The following NAV3 variants were observed in gnomAD, a reference collection of about 807,000 sequenced individuals.
NAV3 encodes pore membrane and/or filament interacting like protein 1.
In NAV3, 87 loss-of-function variants were observed where a neutral mutation model predicts 244.7. That is an observed-to-expected ratio of 0.36 (90% CI 0.30 to 0.42). NAV3 has a LOEUF of 0.42. NAV3 is among the 20% of genes least tolerant of loss of function. The pLI is 1.00. For missense variants in NAV3, 2,663 were observed against 2,893.3 expected, an observed-to-expected ratio of 0.92 and a Z score of 1.83; for synonymous variants, 1,126 against 1,042.2, an observed-to-expected ratio of 1.08 and a Z score of -1.55.
chr12:77,700,682 T>C lies in NAV3; in HGVS notation c.72+128416T>C, dbSNP rs150922555. 5.5e-3 allele frequency among the ~76,000 whole-genome samples: 834 copies of C among 152,208 alleles called. 2 individuals are homozygous for C. The highest frequency in any genetic ancestry group is 0.01 in the African/African-American group (418 of 41,574). On this transcript the variant is annotated intron_variant, in intron 2 of 8. Transcript: ENST00000550042. ...TACTATTGAGTATGATTTGTACCTATAGGTTTTTAATGAATGTTCTTTCTC... is the reference window on the plus strand; with the variant it reads ...TACTATTGAGTATGATTTGTACCTACAGGTTTTTAATGAATGTTCTTTCTC...
chr12:78,145,246 T>A (rs1260335523), intron 20 of NAV3: 1 of 157,728 alleles, frequency 6.3e-6, no homozygotes. Flanking sequence ...GCCACTTTAT[T>A]ATTTAGCCAC....
chr12:78,016,321 T>C (rs1221930635), intron 8 of NAV3, among the ~76,000 whole-genome samples: 1 of 152,182 alleles, frequency 6.6e-6, no homozygotes, highest in Non-Finnish European at 1.5e-5. Flanking sequence ...CTTATTATAA[T>C]TCAATGTGAT....
At chr12:78,084,473 A>G (rs144937422) in intron 12 of NAV3, among the ~76,000 whole-genome samples, 141 of 152,110 alleles carry the variant, frequency 9.3e-4, no homozygotes, top group African/African-American at 3.2e-3. Flanking sequence ...TCTTTACTAT[A>G]TCATTCCCAT....
chr12:77,612,477 T>C (rs759113922), intron 2 of NAV3, among the ~76,000 whole-genome samples: 2 of 152,100 alleles, frequency 1.3e-5, no homozygotes, highest in African/African-American at 4.8e-5. Flanking sequence ...AGTGTTTCCT[T>C]ACACACCCTG....
chr12:78,102,801 A>G (rs771173430), intron 12 of NAV3, among the ~76,000 whole-genome samples: 1 of 152,224 alleles, frequency 6.6e-6, no homozygotes, highest in African/African-American at 2.4e-5. Context: ...CTCTGAAACC[A>G]CAGGCTGAGC....
chr12:77,772,803 G>A (rs565110149), intron 2 of NAV3, among the ~76,000 whole-genome samples: 42 of 152,284 alleles, frequency 2.8e-4, no homozygotes, highest in Middle Eastern at 3.4e-3. Flanking sequence ...TGGCCAAAAT[G>A]TGCTTTTGGG....
intron 2 of NAV3, among the ~76,000 whole-genome samples, chr12:77,623,880 A>G (rs1228308559): frequency 5.3e-5 from 8 of 152,242 alleles, no homozygotes. Context: ...TAAGATTACA[A>G]AGAGCTAGAT....
intron 2 of NAV3, among the ~76,000 whole-genome samples, chr12:77,735,981 T>A (rs767588411): frequency 2.6e-5 from 4 of 152,246 alleles, no homozygotes; most frequent in Non-Finnish European, 5.9e-5. Flanking sequence ...AAACAGGTTC[T>A]AAACTGCATT....
chr12:78,157,456 G>T, intron 22 of NAV3, among the ~76,000 whole-genome samples: 1 of 151,954 alleles, frequency 6.6e-6, no homozygotes, highest in East Asian at 1.9e-4. Context: ...TGCTACTTGG[G>T]AGGCTGAGGC....
At chr12:77,620,564 T>G (rs1021556490) in intron 2 of NAV3, among the ~76,000 whole-genome samples, 6 of 152,042 alleles carry the variant, frequency 3.9e-5, no homozygotes, top group Admixed American at 3.3e-4. Context: ...CTTATTCAAG[T>G]GATTCTCTTG....
At chr12:77,581,877 T>C (rs1477138205) in intron 2 of NAV3, among the ~76,000 whole-genome samples, 1 of 152,214 alleles carries the variant, frequency 6.6e-6, no homozygotes, top group Non-Finnish European at 1.5e-5. Context: ...ACTACCATGT[T>C]AACTGCATTA....
intron 1 of NAV3, among the ~76,000 whole-genome samples, chr12:77,899,727 C>A (rs1304955946): frequency 1.3e-5 from 2 of 152,120 alleles, no homozygotes; most frequent in African/African-American, 2.4e-5. Flanking sequence ...TAAAATGAGG[C>A]ATATTTTACA....
chr12:78,083,328 T>C (rs1953458143), intron 12 of NAV3, among the ~76,000 whole-genome samples: 1 of 152,184 alleles, frequency 6.6e-6, no homozygotes, highest in Non-Finnish European at 1.5e-5. Flanking sequence ...AAGGTCTCAC[T>C]TGTCAATACA....
chr12:77,599,875 G>C (rs1468902564), intron 2 of NAV3, among the ~76,000 whole-genome samples: 1 of 151,850 alleles, frequency 6.6e-6, no homozygotes, highest in Non-Finnish European at 1.5e-5. Flanking sequence ...CAAATACTAA[G>C]AAATATTGTA....
intron 2 of NAV3, among the ~76,000 whole-genome samples, chr12:77,666,667 GCTT>G (rs1873731185): frequency 6.6e-6 from 1 of 152,102 alleles, no homozygotes. Context: ...GATGTATTGT[GCTT>G]CTTTGAGATT....
chr12:77,617,285 T>G (rs1287080961), intron 2 of NAV3, among the ~76,000 whole-genome samples: 1 of 152,208 alleles, frequency 6.6e-6, no homozygotes, highest in East Asian at 1.9e-4. Flanking sequence ...GTTCTTGCCT[T>G]TGACATGCCT....
At chr12:78,164,767 G>A (rs1023059375) in intron 23 of NAV3, among the ~76,000 whole-genome samples, 5 of 151,958 alleles carry the variant, frequency 3.3e-5, no homozygotes, top group African/African-American at 1.2e-4. Flanking sequence ...AACTAGAGCT[G>A]GGAAGTGTGA....
At chr12:78,164,742 G>A (rs1565746846) in intron 23 of NAV3, among the ~76,000 whole-genome samples, 3 of 151,996 alleles carry the variant, frequency 2.0e-5, no homozygotes, top group African/African-American at 7.2e-5. Flanking sequence ...GGGGAAAGGA[G>A]GACCTGTTTA....
At chr12:77,765,776 G>C (rs1426175188) in intron 2 of NAV3, among the ~76,000 whole-genome samples, 1 of 151,820 alleles carries the variant, frequency 6.6e-6, no homozygotes, top group Non-Finnish European at 1.5e-5. Flanking sequence ...ATAGAAGTCA[G>C]AAAAAGAAGC....
Sources: gnomAD v4.1 joint callset for allele counts (sites outside exome capture counted in the v4.1 genomes callset) on GRCh38, gnomAD v4.1.1 for gene constraint, MANE v1.5 for transcripts, NCBI Gene and HGNC (gene_info 2026-07-23, HGNC 2026-07-21) for gene names.